TTC28: variants seen among roughly 807,000 people sequenced by gnomAD.
The protein encoded by TTC28 is tetratricopeptide repeat protein 28.
TTC28 carries 61 observed loss-of-function variants against 198.0 expected under a neutral mutation model. That is an observed-to-expected ratio of 0.31 (90% CI 0.25 to 0.38). The LOEUF is 0.38. TTC28 is among the 10% of genes least tolerant of loss of function. The pLI, the probability that TTC28 is intolerant of heterozygous loss-of-function variation, is 1.00. For synonymous variants in TTC28, 1,171 were observed against 1,297.8 expected, an observed-to-expected ratio of 0.90 and a Z score of 2.10; for missense variants, 2,678 against 3,164.0, an observed-to-expected ratio of 0.85 and a Z score of 3.69.
chr22:28,272,430 G>C (rs1219434876), intron 5 of TTC28, among the ~76,000 whole-genome samples: 1 of 152,198 alleles, frequency 6.6e-6, no homozygotes, highest in African/African-American at 2.4e-5. Context: ...TTAATTAGCT[G>C]TATGTCCTCA....
At chr22:28,585,061 C>A (rs957505803) in intron 2 of TTC28, among the ~76,000 whole-genome samples, 1 of 152,018 alleles carries the variant, frequency 6.6e-6, no homozygotes, top group Non-Finnish European at 1.5e-5. Context: ...AAATAAGGAC[C>A]AGGCCCTTAA....
At chr22:28,674,526 G>A (rs1463823027) in intron 1 of TTC28, among the ~76,000 whole-genome samples, 1 of 152,040 alleles carries the variant, frequency 6.6e-6, no homozygotes, top group Non-Finnish European at 1.5e-5. Context: ...ATGCGTAAGA[G>A]TTAAGACCTG....
chr22:28,500,141 T>C (rs1427832999), intron 2 of TTC28, among the ~76,000 whole-genome samples: 1 of 152,162 alleles, frequency 6.6e-6, no homozygotes, highest in East Asian at 1.9e-4. Flanking sequence ...ATGTAATTTA[T>C]TTATCACCCC....
chr22:28,255,177 A>G (rs1237675300), intron 5 of TTC28, among the ~76,000 whole-genome samples: 1 of 152,140 alleles, frequency 6.6e-6, no homozygotes, highest in African/African-American at 2.4e-5. Flanking sequence ...TTTTTAAAAA[A>G]AGCAAAAGAC....
At chr22:28,516,545 G>T (rs1049533592) in intron 2 of TTC28, among the ~76,000 whole-genome samples, 7 of 144,826 alleles carry the variant, frequency 4.8e-5, no homozygotes, top group Non-Finnish European at 9.1e-5. Context: ...TCACTCATAG[G>T]TAGGAACTGA....
chr22:28,594,263 A>G (rs1026609178), intron 2 of TTC28, among the ~76,000 whole-genome samples: 2 of 148,838 alleles, frequency 1.3e-5, no homozygotes, highest in Admixed American at 6.7e-5. Flanking sequence ...AATTATATTT[A>G]TTAATATAAG....
At chr22:28,303,290 T>C (rs1033241181) in intron 3 of TTC28, among the ~76,000 whole-genome samples, 3 of 152,168 alleles carry the variant, frequency 2.0e-5, no homozygotes, top group African/African-American at 7.2e-5. Flanking sequence ...CTGAAATTGC[T>C]GAAAGATTAT....
intron 6 of TTC28, among the ~76,000 whole-genome samples, chr22:28,154,984 T>C (rs2147030026): frequency 6.6e-6 from 1 of 152,310 alleles, no homozygotes; most frequent in South Asian, 2.1e-4. Context: ...CCTTGGCTTC[T>C]TTGATATAAA....
chr22:28,367,422 C>T (rs925006333), intron 2 of TTC28, among the ~76,000 whole-genome samples: 6 of 151,718 alleles, frequency 4.0e-5, no homozygotes, highest in African/African-American at 1.2e-4. Context: ...TCAAAACTTA[C>T]GGGATACAGC....
At position 28,107,682 on chromosome 22, in the gene TTC28, G is replaced by A. The variant is rs992479141; in HGVS notation, c.2163C>T (p.Gly721=). The A allele has an allele frequency of 1.2e-5, 18 of 1,551,532 alleles. No individual in the cohort carries two copies. The highest frequency in any genetic ancestry group is 1.7e-4 in the Middle Eastern group (1 of 6,014). The change falls in exon 7 of 23, where the codon GGC becomes GGT. Residue 721 remains glycine (G), a synonymous_variant. Coordinates refer to ENST00000397906, the MANE Select transcript of TTC28 (RefSeq NM_001145418.2). ...TATCTTTTTTACAGATGAATATATC[G>A]CCCAGGTTTCCTAGGGCTCGAAATT... ...QAKFRALGNL[G]DIFICKKDIN...
intron 2 of TTC28, among the ~76,000 whole-genome samples, chr22:28,598,909 T>G (rs1202484129): frequency 6.6e-6 from 1 of 152,176 alleles, no homozygotes; most frequent in Non-Finnish European, 1.5e-5. Context: ...CAGCAAATCT[T>G]TAGAGAATTA....
intron 2 of TTC28, among the ~76,000 whole-genome samples, chr22:28,569,575 T>C (rs1259321566): frequency 6.6e-6 from 1 of 151,910 alleles, no homozygotes; most frequent in African/African-American, 2.4e-5. Context: ...ATTAAAGACT[T>C]AAATGTAAAA....
chr22:28,268,468 T>G (rs1370676700), intron 5 of TTC28, among the ~76,000 whole-genome samples: 1 of 152,200 alleles, frequency 6.6e-6, no homozygotes, highest in Non-Finnish European at 1.5e-5. Context: ...ACTTCGAGAC[T>G]CATCTATGTT....
chr22:28,262,013 C>G (rs1931355153), intron 5 of TTC28, among the ~76,000 whole-genome samples: 1 of 152,118 alleles, frequency 6.6e-6, no homozygotes, highest in African/African-American at 2.4e-5. Flanking sequence ...ACAGGGCCAA[C>G]AAAGTTTGTT....
chr22:28,118,814 A>G (rs186382058), intron 6 of TTC28, among the ~76,000 whole-genome samples: 51 of 152,324 alleles, frequency 3.3e-4, no homozygotes, highest in Non-Finnish European at 6.3e-4. Context: ...TAACAACTAT[A>G]TTAGCCCTTA....
intron 2 of TTC28, among the ~76,000 whole-genome samples, chr22:28,596,524 C>T (rs908288466): frequency 6.6e-6 from 1 of 152,160 alleles, no homozygotes; most frequent in Non-Finnish European, 1.5e-5. Flanking sequence ...ATTAAAATTA[C>T]TATTCTATTG....
intron 5 of TTC28, among the ~76,000 whole-genome samples, chr22:28,248,577 T>C (rs1446575090): frequency 1.3e-5 from 2 of 152,084 alleles, no homozygotes; most frequent in Admixed American, 1.3e-4. Flanking sequence ...GAGGAAAAAC[T>C]TGGAATATGA....
intron 2 of TTC28, among the ~76,000 whole-genome samples, chr22:28,504,708 C>T (rs982455500): frequency 1.3e-5 from 2 of 152,076 alleles, no homozygotes; most frequent in African/African-American, 4.8e-5. Flanking sequence ...CAACAGCCAA[C>T]TTTTGAGGTT....
intron 11 of TTC28, among the ~76,000 whole-genome samples, chr22:28,095,044 T>TC (rs1426369542): frequency 1.3e-5 from 2 of 152,074 alleles, no homozygotes; most frequent in African/African-American, 4.8e-5. Flanking sequence ...TCAAATCATG[T>TC]CCCCAAGATG....
Sources: gnomAD v4.1 joint callset for allele counts (sites outside exome capture counted in the v4.1 genomes callset) on GRCh38, gnomAD v4.1.1 for gene constraint, MANE v1.5 for transcripts, NCBI Gene and HGNC (gene_info 2026-07-23, HGNC 2026-07-21) for gene names.